TENM2: variants seen among roughly 807,000 people sequenced by gnomAD.
The protein encoded by TENM2 is teneurin-2.
A neutral mutation model predicts 245.2 loss-of-function variants in TENM2; 52 were observed. The ratio of observed to expected loss-of-function variants is 0.21; its 90% CI spans 0.17 to 0.27. TENM2 has a LOEUF of 0.27. Ranked by LOEUF, TENM2 falls within the 10% of genes least tolerant of loss-of-function variation. The pLI is 1.00. For missense variants in TENM2, 3,046 were observed against 3,666.8 expected (o/e 0.83, Z 4.37); for synonymous variants, 1,363 against 1,438.9 (o/e 0.95, Z 1.19).
chr5:167,398,868 T>A (rs575581606), intron 2 of TENM2, among the ~76,000 whole-genome samples: 1 of 152,282 alleles, frequency 6.6e-6, no homozygotes, highest in Admixed American at 6.5e-5. Flanking sequence ...ATTTTTGGTG[T>A]TACTGTTTTT....
chr5:167,089,261 G>GT, the TENM2 span, among the ~76,000 whole-genome samples: 11 of 152,120 alleles, frequency 7.2e-5, no homozygotes, highest in African/African-American at 2.4e-4. Context: ...TATTTTGCAT[G>GT]TTTTTTGCAT....
chr5:168,046,763 C>A (rs995978605), intron 5 of TENM2, among the ~76,000 whole-genome samples: 6 of 152,146 alleles, frequency 3.9e-5, no homozygotes, highest in Non-Finnish European at 7.4e-5. Flanking sequence ...CAGAAAAGGA[C>A]CCCATTCCAC....
chr5:167,283,055 T>G (rs1322300455), upstream of TENM2, among the ~76,000 whole-genome samples: 1 of 151,952 alleles, frequency 6.6e-6, no homozygotes, highest in Non-Finnish European at 1.5e-5. Flanking sequence ...CTTTTTCTTT[T>G]TTTTTTGAGA....
chr5:168,247,196 A>G lies in TENM2; in HGVS notation c.6257A>G (p.Asn2086Ser), dbSNP rs1225889708. The change falls in exon 27 of 29, where the codon AAT becomes AGT. Residue 2086 changes from asparagine to serine, a missense_variant. By Grantham distance (46) the Asn-to-Ser change is conservative (BLOSUM62 1). This residue lies in a region of TENM2 where 2,704 missense variants were observed against 3,331.9 expected (regional missense o/e 0.81). Transcript: ENST00000518659. This position sits in a 1 kb window ranked among gnomAD's most constrained non-coding sequence, Gnocchi z 7.8. ...AGGTTCTCCGAGGAAGGCATGGTCA[A>G]TGCCAGGTTTGACTACACCTATCAT... 5 of 1,613,798 alleles carry G rather than the reference A, an allele frequency of 3.1e-6. No homozygotes were observed. The highest frequency in any genetic ancestry group is 1.3e-5 in the African/African-American group (1 of 74,894).
At chr5:167,621,586 G>A (rs1400712967) in intron 2 of TENM2, among the ~76,000 whole-genome samples, 1 of 152,056 alleles carries the variant, frequency 6.6e-6, no homozygotes, top group East Asian at 1.9e-4. Context: ...CCCCTGATTG[G>A]GTGTAGGAAT....
chr5:167,510,950 TA>T (rs755590879), intron 2 of TENM2, among the ~76,000 whole-genome samples: 2 of 151,300 alleles, frequency 1.3e-5, no homozygotes, highest in Non-Finnish European at 3.0e-5. Flanking sequence ...AAAAAAAAAA[TA>T]AAAGAAAGAG....
chr5:167,074,742 T>C, the TENM2 span, among the ~76,000 whole-genome samples: 11 of 152,210 alleles, frequency 7.2e-5, no homozygotes, highest in African/African-American at 2.4e-4. Context: ...GTGCGCGGCC[T>C]GAACAGGGAG....
intron 24 of TENM2, among the ~76,000 whole-genome samples, chr5:168,227,616 T>G (rs971453771): frequency 6.6e-6 from 1 of 152,026 alleles, no homozygotes; most frequent in African/African-American, 2.4e-5. Flanking sequence ...TCTTTAAATG[T>G]TTAAACGTGC....
At chr5:167,144,607 C>A in the TENM2 span, among the ~76,000 whole-genome samples, 1 of 152,118 alleles carries the variant, frequency 6.6e-6, no homozygotes, top group Non-Finnish European at 1.5e-5. Flanking sequence ...TCCCATAGAA[C>A]AAGAAAGCGG....
chr5:167,906,815 AAG>A lies in TENM2; in HGVS notation c.712+30625_712+30626del, dbSNP rs1413711782. Among the ~76,000 whole-genome samples the A allele has an allele frequency of 2.6e-5, 4 of 152,186 alleles. No individual in the cohort carries two copies. The East Asian group carries it at 7.7e-4, about 29-fold the overall frequency. On this transcript the variant is annotated intron_variant, in intron 3 of 28. Transcript: ENST00000518659. ...CTACGTTACATCCCTTTGATTAAAAAAGAGAGTCAGGAAAGCTAAAAAAAGAG... is the reference window on the plus strand; with the variant it reads ...CTACGTTACATCCCTTTGATTAAAAAAGAGTCAGGAAAGCTAAAAAAAGAG...
chr5:167,461,593 T>G (rs1488180234), intron 2 of TENM2, among the ~76,000 whole-genome samples: 2 of 152,210 alleles, frequency 1.3e-5, no homozygotes, highest in Non-Finnish European at 2.9e-5. Context: ...ACTTGGGTTA[T>G]TTAGCAACAT....
the TENM2 span, among the ~76,000 whole-genome samples, chr5:167,194,547 G>T: frequency 6.6e-6 from 1 of 152,074 alleles, no homozygotes; most frequent in South Asian, 2.1e-4. Flanking sequence ...TTCATGTGAG[G>T]CACCTGTGAC....
chr5:167,106,223 G>A, the TENM2 span, among the ~76,000 whole-genome samples: 3,926 of 152,072 alleles, frequency 0.026, 176 homozygotes, highest in African/African-American at 0.09. Context: ...TCCTCTTTTC[G>A]GTACAGGAAT....
chr5:168,230,655 G>A (rs968397066), intron 25 of TENM2, among the ~76,000 whole-genome samples: 1 of 152,170 alleles, frequency 6.6e-6, no homozygotes, highest in Non-Finnish European at 1.5e-5. Flanking sequence ...TAGTCTTGCT[G>A]TGTCTTTTCA....
chr5:167,827,631 G>GGGC (rs1554126484), intron 2 of TENM2, among the ~76,000 whole-genome samples: 1 of 128,504 alleles, frequency 7.8e-6, no homozygotes, highest in Non-Finnish European at 1.7e-5. Context: ...AGGTGGGCGG[G>GGGC]GGGGGGGGAA....
intron 2 of TENM2, among the ~76,000 whole-genome samples, chr5:167,579,790 T>C (rs1318763944): frequency 3.9e-5 from 6 of 152,222 alleles, no homozygotes; most frequent in Non-Finnish European, 8.8e-5. Flanking sequence ...ACTTGTGACC[T>C]GAATAAATAG....
intron 2 of TENM2, among the ~76,000 whole-genome samples, chr5:167,835,272 G>A (rs1240099393): frequency 6.6e-6 from 1 of 152,206 alleles, no homozygotes; most frequent in African/African-American, 2.4e-5. Flanking sequence ...CATGGGGACA[G>A]GGAGAATTCA....
intron 2 of TENM2, among the ~76,000 whole-genome samples, chr5:167,771,320 A>G (rs1260924949): frequency 1.3e-5 from 2 of 152,190 alleles, no homozygotes; most frequent in East Asian, 1.9e-4. Flanking sequence ...GGATGTTGGA[A>G]TAATCCAGTT....
chr5:167,589,458 G>A (rs1775732592), intron 2 of TENM2, among the ~76,000 whole-genome samples: 1 of 152,100 alleles, frequency 6.6e-6, no homozygotes, highest in Admixed American at 6.5e-5. Context: ...GAGCACACAG[G>A]AATGCTGAGT....
Sources: gnomAD v4.1 joint callset for allele counts (sites outside exome capture counted in the v4.1 genomes callset) on GRCh38, gnomAD v4.1.1 for gene constraint, gnomAD v4.1.1 regional missense constraint, Gnocchi (gnomAD v3.1) non-coding constraint, MANE v1.5 for transcripts, NCBI Gene and HGNC (gene_info 2026-07-23, HGNC 2026-07-21) for gene names.